Variants in OVOL2 observed in about 807,000 individuals in gnomAD.
OVOL2 encodes the protein ovo like zinc finger 2, also known as transcription factor Ovo-like 2.
Under a neutral mutation model 18.1 loss-of-function variants are expected in OVOL2, and 13 were observed. The ratio of observed to expected loss-of-function variants is 0.72; its 90% CI spans 0.47 to 1.14. The LOEUF (loss-of-function observed/expected upper bound fraction) is 1.14, where lower values mean the gene tolerates loss of function less well. Among genes scored for constraint, OVOL2 ranks in the 50% most tolerant of loss-of-function variants. OVOL2 has a pLI of 0.00. For missense variants in OVOL2, 335 were observed against 383.0 expected, an observed-to-expected ratio of 0.87 and a Z score of 1.05; for synonymous variants, 166 against 162.7, an observed-to-expected ratio of 1.02 and a Z score of -0.16.
At chr20:18,033,303 C>T (rs2036587095) in intron 3 of OVOL2, among the ~76,000 whole-genome samples, 1 of 152,226 alleles carries the variant, frequency 6.6e-6, no homozygotes. Flanking sequence ...TCCCTGACCT[C>T]AGAATTGGAA....
intron 3 of OVOL2, among the ~76,000 whole-genome samples, chr20:18,033,084 C>T (rs1167307043): frequency 6.6e-6 from 1 of 152,224 alleles, no homozygotes; most frequent in East Asian, 1.9e-4. Flanking sequence ...TCTTTCTTCT[C>T]CATCTGGCCC....
At chr20:18,030,225 G>A (rs2036555871) in intron 3 of OVOL2, among the ~76,000 whole-genome samples, 1 of 152,126 alleles carries the variant, frequency 6.6e-6, no homozygotes, top group Non-Finnish European at 1.5e-5. Context: ...GGCCTTCTGG[G>A]CCCATGCAGC....
intron 3 of OVOL2, among the ~76,000 whole-genome samples, chr20:18,028,651 G>A (rs2036541243): frequency 6.6e-6 from 1 of 151,958 alleles, no homozygotes; most frequent in Non-Finnish European, 1.5e-5. Flanking sequence ...AAATTAGCCT[G>A]GTGTGGTGGC....
intron 3 of OVOL2, among the ~76,000 whole-genome samples, chr20:18,039,064 T>C (rs918727724): frequency 1.3e-5 from 2 of 152,162 alleles, no homozygotes; most frequent in African/African-American, 2.4e-5. Context: ...GAGCACACTA[T>C]GGGATTCCAT....
intron 2 of OVOL2, among the ~76,000 whole-genome samples, chr20:18,051,557 C>T (rs1600451726): frequency 2.0e-5 from 3 of 152,056 alleles, no homozygotes; most frequent in East Asian, 1.9e-4. Flanking sequence ...AAGACAGATG[C>T]CCCACAGTGT....
chr20:18,043,453 C>A (rs1340326249), intron 2 of OVOL2, among the ~76,000 whole-genome samples: 1 of 152,154 alleles, frequency 6.6e-6, no homozygotes, highest in African/African-American at 2.4e-5. Flanking sequence ...TGTGAGGAAG[C>A]CCAAGCTAGC....
chr20:18,039,221 G>T (rs1011880207), intron 3 of OVOL2, among the ~76,000 whole-genome samples: 3 of 152,198 alleles, frequency 2.0e-5, no homozygotes, highest in East Asian at 1.9e-4. Flanking sequence ...ACTGCTAGTC[G>T]CATGAGTGTG....
chr20:18,051,561 A>C (rs4814690), intron 2 of OVOL2, among the ~76,000 whole-genome samples: 148,319 of 152,202 alleles, frequency 0.97, 72,293 homozygotes, highest in East Asian at 1. Context: ...CAGATGCCCC[A>C]CAGTGTGACA....
intron 3 of OVOL2, among the ~76,000 whole-genome samples, chr20:18,035,172 C>T (rs992506313): frequency 2.0e-5 from 3 of 152,196 alleles, no homozygotes; most frequent in African/African-American, 7.2e-5. Context: ...CCAGGCCAGG[C>T]GGGTGCAGTG....
At chr20:18,041,356 G>T (rs1379852826) in intron 3 of OVOL2, among the ~76,000 whole-genome samples, 178 bp downstream of exon 3, 13 of 151,964 alleles carry the variant, frequency 8.6e-5, no homozygotes, top group Non-Finnish European at 1.3e-4. Flanking sequence ...GTAGAGACAG[G>T]GTTTCACTAT....
chr20:18,056,872 G>A lies in OVOL2; in HGVS notation c.106C>T (p.Leu36=), dbSNP rs1292606939. ...KRADTYIPVG[L]GRLLHDPPED... is the part of the protein sequence containing the mutation. Reference sequence around the variant, plus strand: ...GGGGGGTCGTGGAGCAGGCGGCCTAGGCCCACTGTGGAGGGAGGGGCCGCG... The same window carrying A: ...GGGGGGTCGTGGAGCAGGCGGCCTAAGCCCACTGTGGAGGGAGGGGCCGCG... The change falls in exon 2 of 4, where the codon CTA becomes TTA. Residue 36 remains leucine (L), a synonymous_variant. Transcript: ENST00000278780. This position sits in a 1 kb window ranked among gnomAD's most constrained non-coding sequence, Gnocchi z 4.2. The A allele has an allele frequency of 8.1e-6, 12 of 1,485,678 alleles. No homozygotes were observed. The East Asian group carries it at 1.1e-4, about 14-fold the overall frequency. 92.0% of individuals were successfully genotyped at this position (1,485,678 alleles called of 1,614,324 possible). A position where few individuals can be genotyped will look rare whatever the true frequency, so the allele number is the denominator to read the frequency against.
At chr20:18,030,825 C>T (rs1394276238) in intron 3 of OVOL2, among the ~76,000 whole-genome samples, 5 of 152,220 alleles carry the variant, frequency 3.3e-5, no homozygotes. Context: ...TCTGCTTCCC[C>T]ATTTGCTAGT....
At chr20:18,037,849 T>A (rs966050795) in intron 3 of OVOL2, among the ~76,000 whole-genome samples, 5 of 152,118 alleles carry the variant, frequency 3.3e-5, no homozygotes, top group Non-Finnish European at 7.4e-5. Context: ...CCTCCTGACC[T>A]CCCCTCCCTC....
chr20:18,044,393 C>G (rs1443690085), intron 2 of OVOL2, among the ~76,000 whole-genome samples: 1 of 152,188 alleles, frequency 6.6e-6, no homozygotes, highest in Admixed American at 6.5e-5. Flanking sequence ...CCCACTGCTC[C>G]AAGCCTAGTC....
Position 18,024,752 on chromosome 20 carries a change from G to C in OVOL2, c.712C>G (p.Pro238Ala), listed in dbSNP as rs2036494647. 1 of 1,614,092 alleles carries C rather than the reference G, an allele frequency of 6.2e-7. No individual in the cohort carries two copies. The highest frequency in any genetic ancestry group is 1.1e-5 in the South Asian group (1 of 91,088). ...DLYLHVNSAH[P>A]GSSFLKKTSK... is the part of the protein sequence containing the mutation. ...GTCTTTTTGAGAAACGAGCTGCCCG[G>C]ATGGGCACTGTTCACGTGCAGGTAC... is the stretch of plus-strand genomic sequence containing the variant. Residue 238 changes from proline to alanine, a missense_variant, in exon 4 of 4, where the codon CCG becomes GCG. Transcript: ENST00000278780.
At chr20:18,029,785 C>G (rs1003886084) in intron 3 of OVOL2, among the ~76,000 whole-genome samples, 1 of 152,036 alleles carries the variant, frequency 6.6e-6, no homozygotes. Context: ...CGAGACTAGC[C>G]TGGCGAACAT....
intron 3 of OVOL2, among the ~76,000 whole-genome samples, chr20:18,034,626 T>TTCTC (rs11466923): frequency 0.048 from 6,671 of 137,974 alleles, 263 homozygotes; most frequent in East Asian, 0.17. Flanking sequence ...CTTCCCCTCT[T>TTCTC]TCTCTCTCTC....
At chr20:18,038,161 C>T (rs1394003779) in intron 3 of OVOL2, among the ~76,000 whole-genome samples, 1 of 152,198 alleles carries the variant, frequency 6.6e-6, no homozygotes, top group Non-Finnish European at 1.5e-5. Flanking sequence ...AGTCAGATGT[C>T]TGAGTTATTC....
rs894465710 is a variant in OVOL2, at chr20:18,056,419, G to T, written c.321+238C>A. Among the ~76,000 whole-genome samples the T allele has an allele frequency of 2.6e-5, 4 of 152,136 alleles. No homozygotes were observed. The highest frequency in any genetic ancestry group is 5.9e-5 in the Non-Finnish European group (4 of 67,990). On this transcript the variant is annotated intron_variant, in intron 2 of 3. Coordinates refer to ENST00000278780, the MANE Select transcript of OVOL2 (RefSeq NM_021220.4). This position sits in a 1 kb window ranked among gnomAD's most constrained non-coding sequence, Gnocchi z 4.2. Reference sequence around the variant, plus strand: ...TCGGCATCAGGCGGGGCCACCGGGAGGACGGAGCCCACTCCGGGAACCGGC... The same window carrying T: ...TCGGCATCAGGCGGGGCCACCGGGATGACGGAGCCCACTCCGGGAACCGGC...
Sources: gnomAD v4.1 joint callset for allele counts (sites outside exome capture counted in the v4.1 genomes callset) on GRCh38, gnomAD v4.1.1 for gene constraint, Gnocchi (gnomAD v3.1) non-coding constraint, MANE v1.5 for transcripts, NCBI Gene and HGNC (gene_info 2026-07-23, HGNC 2026-07-21) for gene names.